Variants in HPS4 observed in about 807,000 individuals in gnomAD.
The protein encoded by HPS4 is HPS4 biogenesis of lysosomal organelles complex 3 subunit 2, also known as BLOC-3 complex member HPS4.
HPS4 carries 44 observed loss-of-function variants against 70.3 expected under a neutral mutation model. That is an observed-to-expected ratio of 0.63 (90% CI 0.49 to 0.80). The LOEUF is 0.80. HPS4 is among the 30% of genes least tolerant of loss of function. HPS4 has a pLI of 0.00. For missense variants in HPS4, 873 were observed against 884.4 expected (o/e 0.99, Z 0.16); for synonymous variants, 377 against 355.9 (o/e 1.06, Z -0.67).
chr22:26,483,798 G>C, upstream of HPS4: 3 of 1,031,942 alleles, frequency 2.9e-6, no homozygotes, highest in Non-Finnish European at 3.8e-6. Flanking sequence ...TAGGTCACGC[G>C]CCGCCCCGCC....
At chr22:26,461,182 C>T (rs2087188329) in intron 11 of HPS4, among the ~76,000 whole-genome samples, 3 of 152,226 alleles carry the variant, frequency 2.0e-5, no homozygotes, top group Admixed American at 2.0e-4. Context: ...ATGGAACACA[C>T]ATTCACTTAG....
At chr22:26,457,274 T>C (rs1256372491) in intron 13 of HPS4, among the ~76,000 whole-genome samples, 2 of 139,362 alleles carry the variant, frequency 1.4e-5, no homozygotes, top group Non-Finnish European at 3.0e-5. Context: ...TGGAGTGCAA[T>C]GGTGTGATCT....
At chr22:26,470,870 G>C (rs767153323) in intron 6 of HPS4, 57 bp from the exon 7 acceptor site, 16 of 1,606,764 alleles carry the variant, frequency 1.0e-5, no homozygotes, top group Non-Finnish European at 1.7e-6. Context: ...ATCAGGAAGG[G>C]AGAAAAGGGG....
In HPS4 at chr22:26,452,933, G is replaced by A. The variant is rs2085449752; in HGVS notation, c.*300C>T. 1 of 395,060 alleles carries A rather than the reference G, an allele frequency of 2.5e-6. No homozygotes were observed. Among genetic ancestry groups the A allele is most frequent in the Non-Finnish European group, 4.7e-6 (1 of 211,804 alleles). The allele number at this position is 395,060 out of a possible 1,614,324, so 24.5% of individuals were successfully genotyped here. On this transcript the variant is annotated 3_prime_UTR_variant, in exon 14 of 14. Transcript: ENST00000398145. The stretch of plus-strand genomic sequence containing the variant: ...AATTCAAGCTGGGATGGAACAGCAG[G>A]AGATATGAAATACCTCAGGCTCAGT...
At chr22:26,471,443 G>A (rs574716064) in intron 6 of HPS4, 24 of 454,432 alleles carry the variant, frequency 5.3e-5, no homozygotes, top group South Asian at 3.6e-4. Context: ...GCAATAACCA[G>A]CAGCCTCCTC....
At chr22:26,454,800 C>T (rs1459636520) in intron 13 of HPS4, among the ~76,000 whole-genome samples, 1 of 151,772 alleles carries the variant, frequency 6.6e-6, no homozygotes, top group Admixed American at 6.6e-5. Flanking sequence ...AGGCAACCTA[C>T]AGAACGGGAG....
rs377326385 is a variant in HPS4, at chr22:26,464,654, C to T, written c.976G>A (p.Gly326Arg). 16 of 1,612,464 alleles carry T rather than the reference C, an allele frequency of 9.9e-6. No homozygotes were observed. Among genetic ancestry groups the T allele is most frequent in the African/African-American group, 2.7e-5 (2 of 74,908 alleles). The change falls in exon 11 of 14, where the codon GGA becomes AGA. Residue 326 changes from glycine to arginine, a missense_variant. Gly to Arg is a moderately radical substitution (Grantham distance 125). Coordinates refer to ENST00000398145, the MANE Select transcript of HPS4 (RefSeq NM_022081.6). ...EACPDGRKEN[G>R]CLSGHDLESI... ...TCCAGATCATGGCCAGACAAGCATCCGTTCTCCTTCCTGCCATCTGGACAA... is the reference window on the plus strand; with the variant it reads ...TCCAGATCATGGCCAGACAAGCATCTGTTCTCCTTCCTGCCATCTGGACAA...
At chr22:26,465,270 T>C (rs1242679950) in intron 10 of HPS4, among the ~76,000 whole-genome samples, 185 bp downstream of exon 10, 1 of 152,218 alleles carries the variant, frequency 6.6e-6, no homozygotes, top group Admixed American at 6.5e-5. Context: ...TGAAAGCCAA[T>C]GTCATCTCTC....
intron 8 of HPS4, chr22:26,467,013 C>T (rs2088774633): frequency 6.6e-6 from 1 of 152,366 alleles, no homozygotes; most frequent in Admixed American, 6.5e-5. Flanking sequence ...TACAATCCCT[C>T]ATCCCCAAGC....
At position 26,481,828 on chromosome 22, in the gene HPS4, T is replaced by C. The variant is rs1264245779; in HGVS notation, c.-66A>G. The stretch of plus-strand genomic sequence containing the variant: ...TTTTCCGGTATCACTTCTTTCTCCC[T>C]AGCTGTGACCGTTCCTCTATCCCCC... On this transcript the variant is annotated 5_prime_UTR_variant, in exon 2 of 14. Transcript: ENST00000398145. 2.0e-6 allele frequency: 3 copies of C among 1,485,992 alleles called. No individual in the cohort carries two copies. Among genetic ancestry groups the C allele is most frequent in the Non-Finnish European group, 2.8e-6 (3 of 1,063,584 alleles). 92.1% of individuals were successfully genotyped at this position (1,485,992 alleles called of 1,614,324 possible).
chr22:26,481,718 T>C lies in HPS4; in HGVS notation c.41+4A>G, dbSNP rs1762908514. 1.9e-6 allele frequency: 3 copies of C among 1,614,020 alleles called. No individual in the cohort carries two copies. Among genetic ancestry groups the C allele is most frequent in the South Asian group, 2.2e-5 (2 of 91,086 alleles). ...GCTATGCCATGGCAGGCCTTGTTACTCACCACGAGGCTGACTTTGCCTCTG... is the reference window on the plus strand; with the variant it reads ...GCTATGCCATGGCAGGCCTTGTTACCCACCACGAGGCTGACTTTGCCTCTG... On this transcript the variant is annotated splice_donor_region_variant and intron_variant, in intron 2 of 13. Coordinates refer to ENST00000398145, the MANE Select transcript of HPS4 (RefSeq NM_022081.6).
chr22:26,453,105 C>G lies in HPS4; in HGVS notation c.*128G>C. On this transcript the variant is annotated 3_prime_UTR_variant, in exon 14 of 14. Transcript: ENST00000398145. The stretch of plus-strand genomic sequence containing the variant: ...ATCTGCAAAAGGAATAACAAAAACT[C>G]AAATATCATTTGGTTCCTAAAAAAG... The G allele has an allele frequency of 9.4e-7, 1 of 1,059,728 alleles. No individual in the cohort carries two copies. Among genetic ancestry groups the G allele is most frequent in the Non-Finnish European group, 1.4e-6 (1 of 714,412 alleles). 65.6% of individuals were successfully genotyped at this position (1,059,728 alleles called of 1,614,324 possible).
intron 5 of HPS4, 94 bp from the exon 6 acceptor site, chr22:26,472,512 C>G: frequency 1.1e-6 from 1 of 879,564 alleles, no homozygotes; most frequent in Non-Finnish European, 2.0e-6. Context: ...GTTCCTCACA[C>G]AGGAAACTGA....
downstream of HPS4, among the ~76,000 whole-genome samples, chr22:26,450,556 T>C (rs1315210881): frequency 6.6e-6 from 1 of 152,212 alleles, no homozygotes; most frequent in Non-Finnish European, 1.5e-5. Flanking sequence ...CTAGGGGTCC[T>C]TTCCCAGTAG....
chr22:26,476,925 C>A, intron 4 of HPS4, 68 bp downstream of exon 4: 1 of 1,556,532 alleles, frequency 6.4e-7, no homozygotes, highest in Non-Finnish European at 8.9e-7. Context: ...ATTCAAGACT[C>A]AGAAACAACA....
At chr22:26,458,110 G>C in intron 12 of HPS4, 143 bp from the exon 13 acceptor site, 1 of 775,696 alleles carries the variant, frequency 1.3e-6, no homozygotes, top group East Asian at 2.7e-5. Context: ...AAGGCCCGGG[G>C]CATTGGGCTT....
chr22:26,480,687 TAGG>T (rs2091193007), intron 2 of HPS4, among the ~76,000 whole-genome samples: 1 of 151,770 alleles, frequency 6.6e-6, no homozygotes, highest in Non-Finnish European at 1.5e-5. Context: ...GAGGCCTAGG[TAGG>T]AGGACTGCTT....
rs770221086 is a variant in HPS4 at position 26,464,369 on chromosome 22, C to G, written c.1261G>C (p.Ala421Pro). Residue 421 changes from alanine (A) to proline (P), a missense_variant, in exon 11 of 14, where the codon GCC (alanine) becomes CCC (proline). Ala to Pro is a conservative substitution (Grantham distance 27). Transcript: ENST00000398145. Reference sequence around the variant, plus strand: ...GAGGGAGGGCGCAAGCTGCTGATGGCTGTGTCCTCAGGAGGCGTGGGTTCC... The same window carrying G: ...GAGGGAGGGCGCAAGCTGCTGATGGGTGTGTCCTCAGGAGGCGTGGGTTCC... ...SLEPTPPEDTAISSLRPPSAP... is the reference protein window; with the variant it reads ...SLEPTPPEDTPISSLRPPSAP... The G allele has an allele frequency of 1.1e-5, 18 of 1,614,074 alleles. No homozygotes were observed. Among genetic ancestry groups the G allele is most frequent in the Non-Finnish European group, 1.5e-5 (18 of 1,180,044 alleles).
At position 26,472,295 on chromosome 22, in the gene HPS4, A is replaced by G; in HGVS notation, c.501+7T>C. ...TATAAAATGAATAAGGAGGATGAAA[A>G]TGTTACTTTAGTTTGGTCCAAGTTC... On this transcript the variant is annotated splice_region_variant and intron_variant, in intron 6 of 13. Transcript: ENST00000398145. The G allele has an allele frequency of 6.7e-7, 1 of 1,500,830 alleles. No homozygotes were observed. The highest frequency in any genetic ancestry group is 1.7e-4 in the Middle Eastern group (1 of 5,858). 93.0% of individuals were successfully genotyped at this position (1,500,830 alleles called of 1,614,324 possible).
Sources: gnomAD v4.1 joint callset for allele counts (sites outside exome capture counted in the v4.1 genomes callset) on GRCh38, gnomAD v4.1.1 for gene constraint, MANE v1.5 for transcripts, NCBI Gene and HGNC (gene_info 2026-07-23, HGNC 2026-07-21) for gene names.